SPOCK3: variants seen among roughly 807,000 people sequenced by gnomAD.
SPOCK3 encodes SPARC (osteonectin), cwcv and kazal like domains proteoglycan 3, also known as testican-3.
Under a neutral mutation model 56.6 loss-of-function variants are expected in SPOCK3, and 30 were observed. The ratio of observed to expected loss-of-function variants is 0.53; its 90% CI spans 0.40 to 0.72. The LOEUF is 0.72. SPOCK3 is among the 30% of genes least tolerant of loss of function. SPOCK3 has a pLI of 0.00. For missense variants in SPOCK3, 527 were observed against 530.0 expected (o/e 0.99, Z 0.06); for synonymous variants, 196 against 183.3 (o/e 1.07, Z -0.56).
In SPOCK3 at chr4:167,134,029, T is replaced by C. The variant is rs866438376; in HGVS notation, c.190-71492A>G. Among the ~76,000 whole-genome samples, 197 of 139,652 alleles carry C rather than the reference T, an allele frequency of 1.4e-3. 3 individuals carry two copies. The highest frequency in any genetic ancestry group is 0.011 in the East Asian group (56 of 4,890). 91.6% of individuals were successfully genotyped at this position (139,652 alleles called of 152,430 possible). On this transcript the variant is annotated intron_variant, in intron 2 of 10. Coordinates refer to ENST00000357545, the MANE Select transcript of SPOCK3 (RefSeq NM_001040159.2). Reference sequence around the variant, plus strand: ...TAACTTTTACACCTTTTTCTTTTTTTTTTTTTTTTTTTTTTTTGAGACAGA... The same window carrying C: ...TAACTTTTACACCTTTTTCTTTTTTCTTTTTTTTTTTTTTTTTGAGACAGA...
intron 3 of SPOCK3, among the ~76,000 whole-genome samples, chr4:167,023,697 A>T (rs1238454614): frequency 2.0e-5 from 3 of 151,970 alleles, no homozygotes; most frequent in Admixed American, 2.0e-4. Flanking sequence ...TGGTTCTGTA[A>T]AGATATGACA....
At position 167,227,079 on chromosome 4, in the gene SPOCK3, A is replaced by T. The variant is rs554904045; in HGVS notation, c.189+6906T>A. ...ATGCTAGTGCTTGATATTACCTATTAGGCAGCAAAAATATTTAAAGATGTT... is the reference window on the plus strand; with the variant it reads ...ATGCTAGTGCTTGATATTACCTATTTGGCAGCAAAAATATTTAAAGATGTT... On this transcript the variant is annotated intron_variant, in intron 2 of 10. Transcript: ENST00000357545. Among the ~76,000 whole-genome samples the T allele has an allele frequency of 3.3e-3, 508 of 152,280 alleles. 3 individuals are homozygous for T. The highest frequency in any genetic ancestry group is 5.5e-3 in the Non-Finnish European group (377 of 68,006).
intron 8 of SPOCK3, among the ~76,000 whole-genome samples, chr4:166,750,178 T>C (rs1736196321): frequency 6.6e-6 from 1 of 152,192 alleles, no homozygotes; most frequent in African/African-American, 2.4e-5. Context: ...TTTCTTATTA[T>C]TTATTAGCCA....
At chr4:166,737,912 T>A (rs1734378319) in intron 9 of SPOCK3, among the ~76,000 whole-genome samples, 2 of 152,182 alleles carry the variant, frequency 1.3e-5, no homozygotes, top group African/African-American at 4.8e-5. Flanking sequence ...CAATACAGAA[T>A]TAAAATCTGA....
chr4:166,993,015 C>T (rs903770280), intron 4 of SPOCK3, among the ~76,000 whole-genome samples: 4 of 152,072 alleles, frequency 2.6e-5, no homozygotes, highest in South Asian at 2.1e-4. Flanking sequence ...CCTCTTCTAC[C>T]GATCATCGAT....
chr4:166,868,213 A>T (rs958085635), intron 6 of SPOCK3, among the ~76,000 whole-genome samples: 1 of 151,710 alleles, frequency 6.6e-6, no homozygotes, highest in African/African-American at 2.4e-5. Flanking sequence ...TGAGATGGTG[A>T]GATGGGAGGA....
At chr4:166,808,327 C>T (rs1216224666) in intron 6 of SPOCK3, among the ~76,000 whole-genome samples, 2 of 151,948 alleles carry the variant, frequency 1.3e-5, no homozygotes, top group African/African-American at 4.8e-5. Context: ...ATGTTGAAGC[C>T]CTAACTGCCA....
chr4:166,994,456 T>C (rs1748144669), intron 4 of SPOCK3, among the ~76,000 whole-genome samples: 1 of 152,086 alleles, frequency 6.6e-6, no homozygotes, highest in South Asian at 2.1e-4. Context: ...ACATACATTC[T>C]GGGCTCTCTA....
chr4:166,774,042 C>T (rs2126585106), intron 7 of SPOCK3, among the ~76,000 whole-genome samples: 1 of 152,200 alleles, frequency 6.6e-6, no homozygotes, highest in East Asian at 1.9e-4. Context: ...TTGTAAGGTA[C>T]AAATATAAGA....
intron 3 of SPOCK3, among the ~76,000 whole-genome samples, chr4:167,003,223 T>C (rs1035274730): frequency 1.3e-5 from 2 of 152,122 alleles, no homozygotes; most frequent in Admixed American, 1.3e-4. Flanking sequence ...TGAAAAATAA[T>C]GTAATGAGTT....
At chr4:166,887,140 C>A (rs1734285111) in intron 6 of SPOCK3, among the ~76,000 whole-genome samples, 1 of 152,172 alleles carries the variant, frequency 6.6e-6, no homozygotes, top group African/African-American at 2.4e-5. Context: ...TGTTTATTCA[C>A]AAGAGATCCT....
At chr4:166,754,053 T>G in intron 8 of SPOCK3, 2 of 925,994 alleles carry the variant, frequency 2.2e-6, no homozygotes, top group Non-Finnish European at 2.6e-6. Flanking sequence ...TAAAATCACA[T>G]GAGTAAAAAT....
chr4:167,045,502 T>G (rs1561155619), intron 3 of SPOCK3, among the ~76,000 whole-genome samples: 1 of 152,094 alleles, frequency 6.6e-6, no homozygotes, highest in Non-Finnish European at 1.5e-5. Flanking sequence ...TGATTTTAAT[T>G]GAGCATTTTT....
At chr4:166,864,835 G>C (rs943750115) in intron 6 of SPOCK3, among the ~76,000 whole-genome samples, 1 of 152,042 alleles carries the variant, frequency 6.6e-6, no homozygotes, top group African/African-American at 2.4e-5. Flanking sequence ...TGGATTCACA[G>C]CCAAATTCTA....
rs1337427234 is a variant in SPOCK3, at chr4:167,226,832, G to A, written c.189+7153C>T. Among the ~76,000 whole-genome samples, 4 of 151,978 alleles carry A rather than the reference G, an allele frequency of 2.6e-5. 1 individual carries two copies. Among genetic ancestry groups the A allele is most frequent in the South Asian group, 4.2e-4 (2 of 4,816 alleles). On this transcript the variant is annotated intron_variant, in intron 2 of 10. Transcript: ENST00000357545. ...CCTGAAAGCCCAGGCCTGGACACCC[G>A]TTTCTTGATGGTCTCATGCTTGCAA... is the stretch of plus-strand genomic sequence containing the variant.
intron 2 of SPOCK3, among the ~76,000 whole-genome samples, chr4:167,206,416 A>AAT (rs1215516713): frequency 6.6e-6 from 1 of 151,344 alleles, no homozygotes; most frequent in African/African-American, 2.4e-5. Context: ...TATGTGTATA[A>AAT]ATATATATAT....
Position 166,962,989 on chromosome 4 carries a change from C to T in SPOCK3, c.350+37360G>A, listed in dbSNP as rs557752875. On this transcript the variant is annotated intron_variant, in intron 4 of 10. Coordinates refer to ENST00000357545, the MANE Select transcript of SPOCK3 (RefSeq NM_001040159.2). ...TTTAGATCCATCATTGAATAAATGC[C>T]ATTCCTTTTGTCATGCAGTCATTCA... is the stretch of plus-strand genomic sequence containing the variant. 2.6e-5 allele frequency among the ~76,000 whole-genome samples: 4 copies of T among 152,142 alleles called. No homozygotes were observed. The South Asian group carries it at 8.3e-4, about 32-fold the overall frequency.
chr4:166,994,463 T>C (rs1342250691), intron 4 of SPOCK3, among the ~76,000 whole-genome samples: 1 of 152,086 alleles, frequency 6.6e-6, no homozygotes, highest in African/African-American at 2.4e-5. Context: ...TTCTGGGCTC[T>C]CTACAGAATG....
intron 7 of SPOCK3, among the ~76,000 whole-genome samples, chr4:166,781,166 T>C (rs1186092250): frequency 6.6e-6 from 1 of 152,032 alleles, no homozygotes; most frequent in Non-Finnish European, 1.5e-5. Flanking sequence ...GATAGAGACA[T>C]GTATAAAAGG....
Sources: gnomAD v4.1 joint callset for allele counts (sites outside exome capture counted in the v4.1 genomes callset) on GRCh38, gnomAD v4.1.1 for gene constraint, MANE v1.5 for transcripts, NCBI Gene and HGNC (gene_info 2026-07-23, HGNC 2026-07-21) for gene names.